The following CSMD1 variants were observed in gnomAD, a reference collection of about 807,000 sequenced individuals.
CSMD1 encodes CUB and Sushi multiple domains 1.
A neutral mutation model predicts 417.5 loss-of-function variants in CSMD1; 213 were observed. The observed-to-expected ratio is 0.51, with a 90% CI of 0.46 to 0.57. The LOEUF (loss-of-function observed/expected upper bound fraction) is 0.57, where lower values mean the gene tolerates loss of function less well. Among genes scored for constraint, CSMD1 ranks in the 20% least tolerant of loss-of-function variants. The pLI, the probability that CSMD1 is intolerant of heterozygous loss-of-function variation, is 0.00. For synonymous variants in CSMD1, 2,862 were observed against 1,736.8 expected (o/e 1.65, Z -16.11); for missense variants, 6,923 against 4,529.7 (o/e 1.53, Z -15.17).
intron 2 of CSMD1, among the ~76,000 whole-genome samples, chr8:4,446,205 T>C (rs530415394): frequency 3.3e-5 from 5 of 152,354 alleles, no homozygotes; most frequent in Admixed American, 2.0e-4. Flanking sequence ...ATTTTGTTTT[T>C]TCCACAATCA....
chr8:4,764,464 T>C (rs1471248699), intron 1 of CSMD1, among the ~76,000 whole-genome samples: 3 of 152,224 alleles, frequency 2.0e-5, no homozygotes, highest in Admixed American at 6.5e-5. Context: ...TTATCGTCTG[T>C]ATTCTTAAAA....
intron 46 of CSMD1, among the ~76,000 whole-genome samples, chr8:3,098,097 GA>G (rs1418533248): frequency 6.6e-6 from 1 of 152,146 alleles, no homozygotes; most frequent in African/African-American, 2.4e-5. Context: ...TTATCTTCCA[GA>G]AACAGTTTGT....
At chr8:3,765,825 G>C (rs1482384308) in intron 5 of CSMD1, among the ~76,000 whole-genome samples, 1 of 152,112 alleles carries the variant, frequency 6.6e-6, no homozygotes, top group Non-Finnish European at 1.5e-5. Context: ...GAATCCAGTG[G>C]GGACACACCT....
intron 7 of CSMD1, among the ~76,000 whole-genome samples, chr8:3,705,883 C>G (rs1487727061): frequency 1.3e-5 from 2 of 152,218 alleles, no homozygotes; most frequent in Non-Finnish European, 2.9e-5. Flanking sequence ...GGCACCAGCA[C>G]TTCACTCCCT....
intron 3 of CSMD1, among the ~76,000 whole-genome samples, chr8:4,333,593 G>C (rs867179561): frequency 1.3e-5 from 2 of 152,080 alleles, no homozygotes. Flanking sequence ...TATTACTCTT[G>C]CTGTTGTTAC....
intron 68 of CSMD1, among the ~76,000 whole-genome samples, chr8:2,946,033 C>T (rs1162390430): frequency 2.0e-5 from 3 of 152,162 alleles, no homozygotes; most frequent in Non-Finnish European, 4.4e-5. Flanking sequence ...AGAGTGCACT[C>T]ACACACCTAG....
chr8:3,015,236 T>A (rs578018552), intron 52 of CSMD1, among the ~76,000 whole-genome samples: 3 of 152,320 alleles, frequency 2.0e-5, no homozygotes, highest in African/African-American at 7.2e-5. Context: ...TTGTGGTGGA[T>A]TTGTCCCTCC....
At chr8:4,139,484 G>A (rs1803645897) in intron 3 of CSMD1, among the ~76,000 whole-genome samples, 2 of 151,384 alleles carry the variant, frequency 1.3e-5, no homozygotes, top group South Asian at 4.1e-4. Context: ...TGAGGAAGGT[G>A]GCGTGGATGA....
At chr8:3,648,455 A>G (rs1224788958) in intron 7 of CSMD1, among the ~76,000 whole-genome samples, 1 of 152,190 alleles carries the variant, frequency 6.6e-6, no homozygotes, top group African/African-American at 2.4e-5. Flanking sequence ...GAGTACCTAC[A>G]TTTTCAGGGA....
At chr8:4,296,107 G>C (rs1312036117) in intron 3 of CSMD1, among the ~76,000 whole-genome samples, 1 of 152,076 alleles carries the variant, frequency 6.6e-6, no homozygotes, top group Non-Finnish European at 1.5e-5. Context: ...TGCAAGGAGA[G>C]AAATCTTAAT....
At position 4,144,783 on chromosome 8, in the gene CSMD1, C is replaced by T. The variant is rs116095141; in HGVS notation, c.416-112684G>A. ...AGGAGAACAGGAATGATGGATTTACCAGGTTGTCAGTAAGAGTTGCATCAC... is the reference window on the plus strand; with the variant it reads ...AGGAGAACAGGAATGATGGATTTACTAGGTTGTCAGTAAGAGTTGCATCAC... On this transcript the variant is annotated intron_variant, in intron 3 of 69. Coordinates refer to ENST00000635120, the MANE Select transcript of CSMD1 (RefSeq NM_033225.6). Among the ~76,000 whole-genome samples, 386 of 150,994 alleles carry T rather than the reference C, an allele frequency of 2.6e-3. 29 individuals carry two copies. Among genetic ancestry groups the T allele is most frequent in the African/African-American group, 9.3e-3 (374 of 40,380 alleles).
At chr8:4,498,732 T>C (rs923346777) in intron 2 of CSMD1, among the ~76,000 whole-genome samples, 1 of 152,218 alleles carries the variant, frequency 6.6e-6, no homozygotes, top group Non-Finnish European at 1.5e-5. Flanking sequence ...ATGCATCAAC[T>C]GTAATCTCTA....
intron 1 of CSMD1, among the ~76,000 whole-genome samples, chr8:4,829,015 T>C (rs1444147272): frequency 6.6e-6 from 1 of 152,174 alleles, no homozygotes; most frequent in Non-Finnish European, 1.5e-5. Context: ...TTATTATTAT[T>C]AGAGATACAT....
intron 1 of CSMD1, among the ~76,000 whole-genome samples, chr8:4,826,133 G>A (rs560043686): frequency 8.6e-5 from 13 of 151,950 alleles, no homozygotes; most frequent in South Asian, 2.1e-4. Flanking sequence ...GTCAGTTCTC[G>A]GTATATATCC....
chr8:4,151,435 T>A (rs1563191711), intron 3 of CSMD1, among the ~76,000 whole-genome samples: 1 of 152,234 alleles, frequency 6.6e-6, no homozygotes. Flanking sequence ...CTGAGACATT[T>A]GTAATTGCAA....
At chr8:4,198,935 CGTGT>C (rs1206566998) in intron 3 of CSMD1, among the ~76,000 whole-genome samples, 6 of 142,874 alleles carry the variant, frequency 4.2e-5, no homozygotes, top group African/African-American at 1.7e-4. Flanking sequence ...TTTGTATTTC[CGTGT>C]GTGTATTTAT....
intron 1 of CSMD1, among the ~76,000 whole-genome samples, chr8:4,936,377 G>A (rs1233535964): frequency 6.6e-6 from 1 of 152,064 alleles, no homozygotes; most frequent in Non-Finnish European, 1.5e-5. Flanking sequence ...TTTAGAGTGG[G>A]CAGCAGTATA....
chr8:4,652,796 G>A (rs1655815579), intron 1 of CSMD1, among the ~76,000 whole-genome samples: 1 of 152,060 alleles, frequency 6.6e-6, no homozygotes, highest in South Asian at 2.1e-4. Flanking sequence ...AAGGGTGTGG[G>A]GATGGTTTTG....
At chr8:3,118,307 T>G in intron 42 of CSMD1, 92 bp downstream of exon 42, 1 of 872,256 alleles carries the variant, frequency 1.1e-6, no homozygotes, top group Non-Finnish European at 1.7e-6. Flanking sequence ...ATTGAATACA[T>G]TAATAAATTA....
Sources: allele counts gnomAD v4.1 joint callset (sites outside exome capture counted in the v4.1 genomes callset), GRCh38; gene constraint gnomAD v4.1.1; transcripts MANE v1.5; gene names NCBI Gene and HGNC (gene_info 2026-07-23, HGNC 2026-07-21).